The following PML variants were observed in gnomAD, a reference collection of about 807,000 sequenced individuals.
PML encodes the protein protein PML.
Under a neutral mutation model 65.2 loss-of-function variants are expected in PML, and 28 were observed. The ratio of observed to expected loss-of-function variants is 0.43; its 90% CI spans 0.32 to 0.59. The LOEUF (loss-of-function observed/expected upper bound fraction) is 0.59. Among genes scored for constraint, PML ranks in the 20% least tolerant of loss-of-function variants. The probability of loss-of-function intolerance (pLI) is 0.08; values close to 1 mark genes in which losing one functional copy is unlikely to be tolerated. For missense variants in PML, 1,021 were observed against 1,203.4 expected (o/e 0.85, Z 2.24); for synonymous variants, 500 against 508.8 (o/e 0.98, Z 0.23).
In PML at chr15:74,014,623, G is replaced by A. The variant is rs573317564; in HGVS notation, c.603-8205G>A. On this transcript the variant is annotated intron_variant, in intron 2 of 8. Coordinates refer to ENST00000268058, the MANE Select transcript of PML (RefSeq NM_033238.3). The stretch of plus-strand genomic sequence containing the variant: ...CTAAAAATACAAAAATTAGCTGGGC[G>A]TGGTGGCGGGTGCCTATAGTCCCAG... Among the ~76,000 whole-genome samples the A allele has an allele frequency of 5.3e-5, 8 of 151,962 alleles. No individual in the cohort carries two copies. In the South Asian group the frequency reaches 1.0e-3, roughly 20 times the overall value.
Position 74,037,203 on chromosome 15 carries a change from C to G in PML, c.1710+2673C>G. On this transcript the variant is annotated intron_variant, in intron 7 of 8. Transcript: ENST00000268058. The surrounding 1 kb of genome is among the most constrained non-coding windows in gnomAD (Gnocchi z 4.2). Reference sequence around the variant, plus strand: ...CTGCCTTTCTTCACTGGGCCCTTGTCCCAGCCTCACCCTCAGCTGATGGCG... The same window carrying G: ...CTGCCTTTCTTCACTGGGCCCTTGTGCCAGCCTCACCCTCAGCTGATGGCG... The G allele has an allele frequency of 1.0e-6, 1 of 985,430 alleles. No individual in the cohort carries two copies. The highest frequency in any genetic ancestry group is 1.2e-6 in the Non-Finnish European group (1 of 829,934). 61.0% of individuals were successfully genotyped at this position (985,430 alleles called of 1,614,324 possible).
chr15:74,033,607 G>C, intron 6 of PML, 193 bp downstream of exon 6: 1 of 732,108 alleles, frequency 1.4e-6, no homozygotes, highest in Non-Finnish European at 2.4e-6. Context: ...GTTTTGCCAT[G>C]ATTGAGGTGT....
rs144951344 is a variant in PML, at chr15:74,011,346, C to T, written c.603-11482C>T. On this transcript the variant is annotated intron_variant, in intron 2 of 8. Coordinates refer to ENST00000268058, the MANE Select transcript of PML (RefSeq NM_033238.3). ...CTGAGTCATATGCTCCCCCAAAGCT[C>T]ATGGACTGAGAACAGGAATGTGTGG... 3.3e-3 allele frequency among the ~76,000 whole-genome samples: 504 copies of T among 152,298 alleles called. 3 individuals are homozygous for T. The highest frequency in any genetic ancestry group is 0.012 in the African/African-American group (479 of 41,564).
chr15:74,009,875 C>G (rs182173706), intron 2 of PML, among the ~76,000 whole-genome samples: 1 of 152,270 alleles, frequency 6.6e-6, no homozygotes, highest in South Asian at 2.1e-4. Context: ...TTTAAAGCAG[C>G]GCAAGCCAAG....
Position 74,035,713 on chromosome 15 carries a change from C to A in PML, c.1710+1183C>A, listed in dbSNP as rs1413973394. 3.1e-6 allele frequency: 5 copies of A among 1,614,016 alleles called. No individual in the cohort carries two copies. The African/African-American group carries it at 6.7e-5, about 22-fold the overall frequency. The stretch of plus-strand genomic sequence containing the variant: ...TCCCAGTGGCTCAACAACTTTTTTG[C>A]CCTCCCCTTCTCCTCCATGGCTTCC... On this transcript the variant is annotated intron_variant, in intron 7 of 8. Coordinates refer to ENST00000268058, the MANE Select transcript of PML (RefSeq NM_033238.3). The surrounding 1 kb of genome is among the most constrained non-coding windows in gnomAD (Gnocchi z 4.1).
intron 3 of PML, among the ~76,000 whole-genome samples, chr15:74,023,648 C>A (rs971596385): frequency 6.6e-6 from 1 of 152,164 alleles, no homozygotes; most frequent in Admixed American, 6.5e-5. Context: ...TGTGGATTGA[C>A]CTAGCGATGA....
intron 4 of PML, chr15:74,028,557 T>C (rs1315648295): frequency 6.6e-6 from 1 of 152,206 alleles, no homozygotes; most frequent in East Asian, 1.9e-4. Flanking sequence ...TTCTTTAGCA[T>C]TGAGTACATT....
At position 74,035,070 on chromosome 15, in the gene PML, C is replaced by T. The variant is rs1015655079; in HGVS notation, c.1710+540C>T. On this transcript the variant is annotated intron_variant, in intron 7 of 8. Transcript: ENST00000268058. The surrounding 1 kb of genome is among the most constrained non-coding windows in gnomAD (Gnocchi z 4.1). ...GGTTTATTACTAGAGGCTGGACTAT[C>T]ACCTGTCCAGGGGAAAAGGGGATCT... The T allele has an allele frequency of 8.4e-6, 11 of 1,308,184 alleles. No individual in the cohort carries two copies. In the African/African-American group the frequency reaches 1.6e-4, roughly 19 times the overall value. 81.0% of individuals were successfully genotyped at this position (1,308,184 alleles called of 1,614,324 possible).
At chr15:74,030,494 C>G (rs1261878459) in intron 4 of PML, among the ~76,000 whole-genome samples, 1 of 152,020 alleles carries the variant, frequency 6.6e-6, no homozygotes, top group Non-Finnish European at 1.5e-5. Flanking sequence ...ACTAAAAATA[C>G]AAAAATTAGC....
Position 74,043,884 on chromosome 15 carries a change from T to C in PML, c.1862-337T>C. On this transcript the variant is annotated intron_variant, in intron 8 of 8. Transcript: ENST00000268058. The surrounding 1 kb of genome is among the most constrained non-coding windows in gnomAD (Gnocchi z 4.3). ...GATGGAGAGCTAAGTTCAAGCAGCC[T>C]GGGATCTCTAGTATAGGTGGCTGAG... The C allele has an allele frequency of 1.9e-6, 1 of 517,604 alleles. No homozygotes were observed. Among genetic ancestry groups the C allele is most frequent in the South Asian group, 1.7e-5 (1 of 59,282 alleles). The allele number at this position is 517,604 out of a possible 1,614,324, so 32.1% of individuals were successfully genotyped here.
chr15:74,034,840 T>C (rs901881664), intron 7 of PML: 19 of 1,438,166 alleles, frequency 1.3e-5, no homozygotes, highest in Middle Eastern at 2.5e-4. Context: ...TTCTGTCCTC[T>C]AAGTCCTCAG....
Position 74,035,886 on chromosome 15 carries a change from C to G in PML, c.1710+1356C>G. The G allele has an allele frequency of 6.2e-7, 1 of 1,613,776 alleles. No individual in the cohort carries two copies. Among genetic ancestry groups the G allele is most frequent in the South Asian group, 1.1e-5 (1 of 91,074 alleles). The stretch of plus-strand genomic sequence containing the variant: ...GGAAGCCTCTCCAATTACATTCCCA[C>G]CACCCTGTGCCCCAGAAAGGCCCCC... On this transcript the variant is annotated intron_variant, in intron 7 of 8. Transcript: ENST00000268058. The surrounding 1 kb of genome is among the most constrained non-coding windows in gnomAD (Gnocchi z 4.1).
intron 2 of PML, among the ~76,000 whole-genome samples, chr15:74,003,127 C>G (rs2069861045): frequency 6.7e-6 from 1 of 150,232 alleles, no homozygotes; most frequent in African/African-American, 2.5e-5. Context: ...CAATGAGACT[C>G]TGTCTTAAAA....
In PML at chr15:74,035,323, C is replaced by T. The variant is rs1486435987; in HGVS notation, c.1710+793C>T. ...CCCTGTGGCACATACCACCCCCCAG[C>T]TTGGCCTCCCCACCAGCCCGCTGAG... is the stretch of plus-strand genomic sequence containing the variant. On this transcript the variant is annotated intron_variant, in intron 7 of 8. Transcript: ENST00000268058. The surrounding 1 kb of genome is among the most constrained non-coding windows in gnomAD (Gnocchi z 4.1). The T allele has an allele frequency of 1.9e-6, 3 of 1,612,632 alleles. No individual in the cohort carries two copies. The highest frequency in any genetic ancestry group is 2.5e-6 in the Non-Finnish European group (3 of 1,179,936).
chr15:74,033,107 A>C, intron 5 of PML, 49 bp from the exon 6 acceptor site: 1 of 1,607,528 alleles, frequency 6.2e-7, no homozygotes, highest in African/African-American at 1.3e-5. Flanking sequence ...GGCTCTGCCC[A>C]CTCACCCCTG....
Position 74,028,556 on chromosome 15 carries a change from A to G in PML, c.1254+3629A>G, listed in dbSNP as rs574074880. Reference sequence around the variant, plus strand: ...TACACTAAGTGTACAGTTCTTTAGCATTGAGTACATTCACACTGCTGTGCA... The same window carrying G: ...TACACTAAGTGTACAGTTCTTTAGCGTTGAGTACATTCACACTGCTGTGCA... On this transcript the variant is annotated intron_variant, in intron 4 of 8. Coordinates refer to ENST00000268058, the MANE Select transcript of PML (RefSeq NM_033238.3). 5 of 152,302 alleles carry G rather than the reference A, an allele frequency of 3.3e-5. No individual in the cohort carries two copies. In the East Asian group the frequency reaches 9.6e-4, roughly 29 times the overall value. The allele number at this position is 152,302 out of a possible 1,614,324, so 9.4% of individuals were successfully genotyped here. A position where few individuals can be genotyped will look rare whatever the true frequency, so the allele number is the denominator to read the frequency against.
At chr15:74,010,534 A>G (rs1053809656) in intron 2 of PML, among the ~76,000 whole-genome samples, 3 of 150,850 alleles carry the variant, frequency 2.0e-5, no homozygotes, top group Admixed American at 1.3e-4. Flanking sequence ...AAAAAAAAAA[A>G]AAGAAATTAA....
intron 4 of PML, among the ~76,000 whole-genome samples, chr15:74,030,481 T>A (rs2071268964): frequency 6.6e-6 from 1 of 152,136 alleles, no homozygotes; most frequent in South Asian, 2.1e-4. Context: ...AAACCCCATC[T>A]CTACTAAAAA....
intron 2 of PML, among the ~76,000 whole-genome samples, chr15:74,022,437 T>A (rs1260646479): frequency 6.6e-6 from 1 of 152,128 alleles, no homozygotes; most frequent in Non-Finnish European, 1.5e-5. Flanking sequence ...GTCTGTACCA[T>A]CCTGCAAGCA....
Sources: allele counts gnomAD v4.1 joint callset (sites outside exome capture counted in the v4.1 genomes callset), GRCh38; gene constraint gnomAD v4.1.1; non-coding constraint Gnocchi (gnomAD v3.1); transcripts MANE v1.5; gene names NCBI Gene and HGNC (gene_info 2026-07-23, HGNC 2026-07-21).